The following CHSY3 variants were observed in gnomAD, a reference collection of about 807,000 sequenced individuals.
CHSY3 encodes the protein chondroitin sulfate synthase 3.
CHSY3 carries 35 observed loss-of-function variants against 67.2 expected under a neutral mutation model. The ratio of observed to expected loss-of-function variants is 0.52; its 90% CI spans 0.40 to 0.69. The LOEUF is 0.69. Ranked by LOEUF, CHSY3 falls within the 30% of genes least tolerant of loss-of-function variation. The pLI is 0.00. For missense variants in CHSY3, 1,069 were observed against 1,138.5 expected (o/e 0.94, Z 0.88); for synonymous variants, 474 against 434.7 (o/e 1.09, Z -1.12).
intron 2 of CHSY3, among the ~76,000 whole-genome samples, chr5:130,129,303 A>G (rs1256948599): frequency 1.3e-5 from 2 of 152,160 alleles, no homozygotes; most frequent in African/African-American, 2.4e-5. Flanking sequence ...TTGGTTTCAC[A>G]AAGATCTCTA....
intron 2 of CHSY3, among the ~76,000 whole-genome samples, chr5:130,045,138 A>T (rs1256029460): frequency 6.6e-6 from 1 of 152,046 alleles, no homozygotes; most frequent in Non-Finnish European, 1.5e-5. Context: ...GTACAGACAC[A>T]CACCACCATG....
intron 2 of CHSY3, among the ~76,000 whole-genome samples, chr5:130,022,758 G>T (rs1764429853): frequency 6.6e-6 from 1 of 151,728 alleles, no homozygotes; most frequent in Non-Finnish European, 1.5e-5. Flanking sequence ...TTGCTAACTT[G>T]CCTGTTATTT....
At chr5:130,010,595 A>G (rs1764026887) in intron 2 of CHSY3, among the ~76,000 whole-genome samples, 1 of 152,220 alleles carries the variant, frequency 6.6e-6, no homozygotes, top group African/African-American at 2.4e-5. Context: ...ACAAGAGCAA[A>G]CAAAGCCCAA....
chr5:130,118,263 A>G (rs1767883862), intron 2 of CHSY3, among the ~76,000 whole-genome samples: 1 of 152,206 alleles, frequency 6.6e-6, no homozygotes, highest in Admixed American at 6.5e-5. Flanking sequence ...AGAATTAGTA[A>G]CTAATATTTT....
At chr5:129,928,367 A>C (rs760625993) in intron 2 of CHSY3, among the ~76,000 whole-genome samples, 2 of 152,090 alleles carry the variant, frequency 1.3e-5, no homozygotes, top group African/African-American at 4.8e-5. Context: ...AAATAAAACA[A>C]GTTTTTTTAT....
chr5:130,058,894 G>A lies in CHSY3; in HGVS notation c.1087-125335G>A, dbSNP rs548901955. Among the ~76,000 whole-genome samples, 317 of 152,264 alleles carry A rather than the reference G, an allele frequency of 2.1e-3. 1 individual carries two copies. The highest frequency in any genetic ancestry group is 3.7e-3 in the Non-Finnish European group (255 of 68,020). ...TGGCTGTTGCCAGATTCCTTGACTT[G>A]TGTCCACCTCCCTTTGCTTTATCTT... On this transcript the variant is annotated intron_variant, in intron 2 of 2. Coordinates refer to ENST00000305031, the MANE Select transcript of CHSY3 (RefSeq NM_175856.5).
intron 2 of CHSY3, among the ~76,000 whole-genome samples, chr5:129,916,540 CTG>C (rs767996710): frequency 1.3e-5 from 2 of 152,058 alleles, no homozygotes; most frequent in African/African-American, 4.8e-5. Flanking sequence ...TTTATTAAAA[CTG>C]TATTTTAATA....
At chr5:130,090,803 A>C (rs1766852589) in intron 2 of CHSY3, among the ~76,000 whole-genome samples, 1 of 152,174 alleles carries the variant, frequency 6.6e-6, no homozygotes, top group African/African-American at 2.4e-5. Flanking sequence ...CAATTACATA[A>C]TGTGAAGTGC....
chr5:129,997,885 A>T (rs1031213429), intron 2 of CHSY3, among the ~76,000 whole-genome samples: 2 of 152,178 alleles, frequency 1.3e-5, no homozygotes, highest in Non-Finnish European at 2.9e-5. Flanking sequence ...TATATGTGCC[A>T]CATTTTCTTA....
intron 2 of CHSY3, among the ~76,000 whole-genome samples, chr5:130,115,738 A>G (rs1767774872): frequency 6.6e-6 from 1 of 152,172 alleles, no homozygotes; most frequent in Non-Finnish European, 1.5e-5. Flanking sequence ...ATTTCAGACA[A>G]CCAAAAACAA....
At chr5:130,040,273 A>G (rs898360842) in intron 2 of CHSY3, among the ~76,000 whole-genome samples, 1 of 152,114 alleles carries the variant, frequency 6.6e-6, no homozygotes, top group Non-Finnish European at 1.5e-5. Flanking sequence ...ACTATCTTGT[A>G]TTTAGAGTAC....
intron 2 of CHSY3, among the ~76,000 whole-genome samples, chr5:130,137,231 G>A (rs188687320): frequency 5.9e-4 from 89 of 152,134 alleles, no homozygotes; most frequent in Middle Eastern, 3.4e-3. Context: ...GTATCCTGTC[G>A]TTTTCCATGC....
At chr5:130,174,191 T>A (rs1199952502) in intron 2 of CHSY3, among the ~76,000 whole-genome samples, 1 of 151,948 alleles carries the variant, frequency 6.6e-6, no homozygotes, top group Non-Finnish European at 1.5e-5. Context: ...ATTTGCAGAG[T>A]CTTCACTTCC....
chr5:130,115,912 C>T (rs149117414), intron 2 of CHSY3, among the ~76,000 whole-genome samples: 1 of 152,190 alleles, frequency 6.6e-6, no homozygotes, highest in African/African-American at 2.4e-5. Context: ...TGGAGTCTGA[C>T]TGAGCTCACG....
chr5:130,138,149 C>T (rs1003519954), intron 2 of CHSY3, among the ~76,000 whole-genome samples: 1 of 152,080 alleles, frequency 6.6e-6, no homozygotes, highest in Non-Finnish European at 1.5e-5. Context: ...CTTACCAATC[C>T]CTGCTACAGA....
At chr5:130,043,589 C>T (rs1024642219) in intron 2 of CHSY3, among the ~76,000 whole-genome samples, 1 of 152,120 alleles carries the variant, frequency 6.6e-6, no homozygotes, top group Non-Finnish European at 1.5e-5. Flanking sequence ...AGAACATTAG[C>T]CGTCCACAAT....
intron 2 of CHSY3, among the ~76,000 whole-genome samples, chr5:129,936,507 C>T (rs1761497776): frequency 1.3e-5 from 2 of 152,076 alleles, no homozygotes; most frequent in Non-Finnish European, 2.9e-5. Flanking sequence ...CATTTTCCCT[C>T]CTTGCTGCTT....
chr5:130,036,749 G>A (rs913117802), intron 2 of CHSY3, among the ~76,000 whole-genome samples: 2 of 152,118 alleles, frequency 1.3e-5, no homozygotes, highest in Admixed American at 6.6e-5. Flanking sequence ...GAGTAAATGT[G>A]GTTTTACTTT....
At chr5:130,087,054 T>G (rs557817024) in intron 2 of CHSY3, among the ~76,000 whole-genome samples, 1 of 152,328 alleles carries the variant, frequency 6.6e-6, no homozygotes, top group Admixed American at 6.5e-5. Context: ...GATGCAAGGC[T>G]GTTTCAATAT....
Sources: allele counts gnomAD v4.1 joint callset (sites outside exome capture counted in the v4.1 genomes callset), GRCh38; gene constraint gnomAD v4.1.1; transcripts MANE v1.5; gene names NCBI Gene and HGNC (gene_info 2026-07-23, HGNC 2026-07-21).